The following JAK2 variants were observed in gnomAD, a reference collection of about 807,000 sequenced individuals.
JAK2 encodes the protein tyrosine-protein kinase JAK2.
A neutral mutation model predicts 139.3 loss-of-function variants in JAK2; 86 were observed. The ratio of observed to expected loss-of-function variants is 0.62; its 90% CI spans 0.52 to 0.74. The LOEUF is 0.74. Ranked by LOEUF, JAK2 falls within the 30% of genes least tolerant of loss-of-function variation. The probability of loss-of-function intolerance (pLI) is 0.00; values close to 1 mark genes in which losing one functional copy is unlikely to be tolerated. For synonymous variants in JAK2, 490 were observed against 437.7 expected (o/e 1.12, Z -1.49); for missense variants, 1,421 against 1,360.3 (o/e 1.04, Z -0.70).
At chr9:5,041,012 A>T (rs1015403955) in intron 4 of JAK2, 1 of 661,512 alleles carries the variant, frequency 1.5e-6, no homozygotes, top group Non-Finnish European at 2.8e-6. Flanking sequence ...CGGACCCCGC[A>T]GCTGCACCTG....
intron 4 of JAK2, among the ~76,000 whole-genome samples, chr9:5,043,100 C>T (rs1408926398): frequency 2.0e-5 from 3 of 152,150 alleles, no homozygotes; most frequent in African/African-American, 7.2e-5. Flanking sequence ...CAGCCGCAGA[C>T]AAAATGCCTT....
chr9:5,105,006 G>A (rs917644744), intron 22 of JAK2, among the ~76,000 whole-genome samples: 1 of 152,192 alleles, frequency 6.6e-6, no homozygotes, highest in Non-Finnish European at 1.5e-5. Context: ...CAAAAGACAA[G>A]GATGCCCTCT....
chr9:4,987,811 G>T (rs1285604604), intron 2 of JAK2, among the ~76,000 whole-genome samples: 4 of 151,626 alleles, frequency 2.6e-5, no homozygotes, highest in Non-Finnish European at 5.9e-5. Flanking sequence ...TTATAAGATT[G>T]TTGTGAGAAG....
chr9:5,094,935 T>C (rs1820870875), intron 22 of JAK2: 1 of 152,178 alleles, frequency 6.6e-6, no homozygotes, highest in Non-Finnish European at 1.5e-5. Context: ...ATACCTTTTA[T>C]GAAAAAATTT....
chr9:5,079,183 G>T (rs896571790), intron 16 of JAK2, among the ~76,000 whole-genome samples: 3 of 152,130 alleles, frequency 2.0e-5, no homozygotes, highest in Non-Finnish European at 4.4e-5. Flanking sequence ...TTCTTACAGG[G>T]TCTTACATCT....
chr9:4,988,334 G>C (rs1026532664), intron 2 of JAK2, among the ~76,000 whole-genome samples: 1 of 152,288 alleles, frequency 6.6e-6, no homozygotes, highest in East Asian at 1.9e-4. Flanking sequence ...ATTTTCAGAG[G>C]TTGCTCCGAT....
intron 4 of JAK2, chr9:5,042,027 C>G: frequency 3.2e-6 from 1 of 315,950 alleles, no homozygotes; most frequent in South Asian, 2.8e-5. Flanking sequence ...GGGCCAGACG[C>G]TGGCTGGAAG....
At chr9:5,126,506 A>G (rs758475999) in intron 24 of JAK2, 60 bp downstream of exon 24, 8 of 1,134,656 alleles carry the variant, frequency 7.1e-6, no homozygotes, top group Non-Finnish European at 1.0e-5. Context: ...TTACTCAAGG[A>G]CTTCAGTTCA....
intron 14 of JAK2, among the ~76,000 whole-genome samples, chr9:5,074,191 TTGATA>T (rs1177407263): frequency 1.3e-5 from 2 of 152,172 alleles, no homozygotes; most frequent in Non-Finnish European, 2.9e-5. Context: ...AATGATTATG[TTGATA>T]TGATACTAGA....
chr9:5,038,231 A>T (rs1018547302), intron 4 of JAK2, among the ~76,000 whole-genome samples: 1 of 152,202 alleles, frequency 6.6e-6, no homozygotes, highest in Non-Finnish European at 1.5e-5. Context: ...GACACAAGTT[A>T]TAGGAACTGC....
intron 23 of JAK2, among the ~76,000 whole-genome samples, chr9:5,123,478 A>C (rs1243247588): frequency 6.6e-6 from 1 of 151,982 alleles, no homozygotes; most frequent in Non-Finnish European, 1.5e-5. Flanking sequence ...AAAAGACATA[A>C]TTTCATTCGT....
intron 4 of JAK2, among the ~76,000 whole-genome samples, chr9:5,031,440 A>T (rs1823140329): frequency 1.3e-5 from 2 of 152,242 alleles, no homozygotes; most frequent in African/African-American, 4.8e-5. Context: ...ACATAATAAT[A>T]TGAAGAAATC....
intron 22 of JAK2, among the ~76,000 whole-genome samples, chr9:5,121,231 G>A (rs1261936411): frequency 6.6e-6 from 1 of 152,170 alleles, no homozygotes; most frequent in Non-Finnish European, 1.5e-5. Flanking sequence ...GATGTGATGT[G>A]TATCACAAGC....
intron 8 of JAK2, among the ~76,000 whole-genome samples, chr9:5,064,159 G>A (rs895037414): frequency 6.7e-6 from 1 of 149,654 alleles, no homozygotes; most frequent in Non-Finnish European, 1.5e-5. Context: ...CTGACTGGGC[G>A]GGGGCCACAA....
At chr9:5,101,334 C>T (rs920770452) in intron 22 of JAK2, among the ~76,000 whole-genome samples, 8 of 152,252 alleles carry the variant, frequency 5.3e-5, no homozygotes, top group Admixed American at 1.3e-4. Flanking sequence ...GGCGGAGGGG[C>T]GTCCGCCATT....
rs1226817903 is a variant in JAK2, at chr9:5,010,511, G to T, written c.-25-11452G>T. ...AATTTTTATATTTTTAGTACAGACA[G>T]GGTTTCACCATGTTGGCCAGGTTGG... is the stretch of plus-strand genomic sequence containing the variant. On this transcript the variant is annotated intron_variant, in intron 2 of 24. Coordinates refer to ENST00000381652, the MANE Select transcript of JAK2 (RefSeq NM_004972.4). Among the ~76,000 whole-genome samples the T allele has an allele frequency of 2.0e-5, 3 of 152,034 alleles. No individual in the cohort carries two copies. The East Asian group carries it at 5.8e-4, about 29-fold the overall frequency.
At chr9:5,000,155 T>G (rs867067312) in intron 2 of JAK2, among the ~76,000 whole-genome samples, 2 of 151,288 alleles carry the variant, frequency 1.3e-5, no homozygotes, top group Admixed American at 6.6e-5. Flanking sequence ...ATTTTTTCTG[T>G]TTTTTTTTAA....
intron 19 of JAK2, among the ~76,000 whole-genome samples, chr9:5,083,279 G>A (rs916981991): frequency 3.9e-5 from 6 of 152,152 alleles, no homozygotes; most frequent in East Asian, 1.9e-4. Flanking sequence ...CTATTAAAAC[G>A]TCACACAGTC....
intron 4 of JAK2, among the ~76,000 whole-genome samples, chr9:5,032,190 G>C (rs923319088): frequency 6.6e-6 from 1 of 152,222 alleles, no homozygotes; most frequent in African/African-American, 2.4e-5. Flanking sequence ...AGGTGGCAGC[G>C]AGGCTGGGGG....
Sources: allele counts gnomAD v4.1 joint callset (sites outside exome capture counted in the v4.1 genomes callset), GRCh38; gene constraint gnomAD v4.1.1; transcripts MANE v1.5; gene names NCBI Gene and HGNC (gene_info 2026-07-23, HGNC 2026-07-21).